Variants in C12orf42 observed in about 807,000 individuals in gnomAD.
C12orf42 encodes chromosome 12 open reading frame 42.
In C12orf42, 25 loss-of-function variants were observed where a neutral mutation model predicts 21.6. The observed-to-expected ratio is 1.16, with a 90% CI of 0.84 to 1.62. The LOEUF is 1.62. C12orf42 is among the 40% of genes most tolerant of loss of function. The probability of loss-of-function intolerance (pLI) is 0.00; values close to 1 mark genes in which losing one functional copy is unlikely to be tolerated. For synonymous variants in C12orf42, 174 were observed against 175.0 expected (o/e 0.99, Z 0.05); for missense variants, 483 against 459.3 (o/e 1.05, Z -0.47).
chr12:103,088,930 C>T, the C12orf42 span, among the ~76,000 whole-genome samples: 1 of 151,758 alleles, frequency 6.6e-6, no homozygotes, highest in African/African-American at 2.4e-5. Flanking sequence ...AGTGAAACCC[C>T]GTCTCTACTA....
the C12orf42 span, among the ~76,000 whole-genome samples, chr12:103,077,636 A>G: frequency 1.3e-5 from 2 of 152,182 alleles, no homozygotes; most frequent in Non-Finnish European, 2.9e-5. Flanking sequence ...CCTCTTGGAG[A>G]CAAGGCCTAC....
At chr12:103,053,432 T>A in the C12orf42 span, among the ~76,000 whole-genome samples, 1 of 151,996 alleles carries the variant, frequency 6.6e-6, no homozygotes, top group Non-Finnish European at 1.5e-5. Context: ...CTTTTGCCTA[T>A]TTTAAAACTG....
the C12orf42 span, among the ~76,000 whole-genome samples, chr12:103,228,437 A>G: frequency 6.6e-6 from 1 of 152,022 alleles, no homozygotes. Flanking sequence ...GTCATCAGTT[A>G]AGGTGGGGCA....
chr12:103,221,407 T>C, the C12orf42 span, among the ~76,000 whole-genome samples: 1 of 152,242 alleles, frequency 6.6e-6, no homozygotes, highest in African/African-American at 2.4e-5. Flanking sequence ...GGGTGCTGAG[T>C]ACTGTGCCAG....
chr12:103,163,127 G>A, the C12orf42 span, among the ~76,000 whole-genome samples: 1 of 152,162 alleles, frequency 6.6e-6, no homozygotes, highest in East Asian at 1.9e-4. Flanking sequence ...CTGGCAACTA[G>A]GGGAAGAATT....
At chr12:103,519,745 C>A in the C12orf42 span, among the ~76,000 whole-genome samples, 2 of 152,172 alleles carry the variant, frequency 1.3e-5, no homozygotes, top group African/African-American at 4.8e-5. Context: ...ACCCCTCCAA[C>A]CCATTTCCAG....
At chr12:103,206,510 C>A in the C12orf42 span, among the ~76,000 whole-genome samples, 1 of 117,276 alleles carries the variant, frequency 8.5e-6, no homozygotes, top group East Asian at 2.7e-4. Flanking sequence ...TTTTTTGGAC[C>A]TTTTCTATAT....
At chr12:103,231,178 C>G in the C12orf42 span, among the ~76,000 whole-genome samples, 3 of 152,106 alleles carry the variant, frequency 2.0e-5, no homozygotes, top group Non-Finnish European at 2.9e-5. Flanking sequence ...AGTTTTATAG[C>G]AAAATTGAGC....
In C12orf42 at chr12:103,277,834, C is replaced by T. The variant is rs934130896; in HGVS notation, n.338-624G>A. On this transcript the variant is annotated intron_variant and non_coding_transcript_variant, in intron 4 of 6. Coordinates refer to the C12orf42 transcript ENST00000546526. The stretch of plus-strand genomic sequence containing the variant: ...TGGGGTTTCACTGTGCTAGCCAGGA[C>T]GATCTCAATCTCCTGGCCTCGTGAT... Among the ~76,000 whole-genome samples, 60 of 151,922 alleles carry T rather than the reference C, an allele frequency of 3.9e-4. 1 individual carries two copies. Among genetic ancestry groups the T allele is most frequent in the East Asian group, 1.9e-4 (1 of 5,166 alleles).
At chr12:103,363,208 A>C (rs559011784) in intron 4 of C12orf42, among the ~76,000 whole-genome samples, 1 of 152,224 alleles carries the variant, frequency 6.6e-6, no homozygotes, top group South Asian at 2.1e-4. Context: ...CTCCCTAAAC[A>C]AAACAATTAT....
At chr12:103,354,735 T>A (rs1301536276) in intron 4 of C12orf42, among the ~76,000 whole-genome samples, 2 of 152,122 alleles carry the variant, frequency 1.3e-5, no homozygotes, top group African/African-American at 4.8e-5. Flanking sequence ...TTTTGTTTTG[T>A]TTTGTAGAGA....
chr12:103,396,269 T>C (rs1186633165), intron 3 of C12orf42, among the ~76,000 whole-genome samples: 2 of 151,966 alleles, frequency 1.3e-5, no homozygotes, highest in Non-Finnish European at 2.9e-5. Flanking sequence ...GGTTTAAAAG[T>C]GGCAGTTTCC....
chr12:103,257,202 A>C (rs2034656886), intron 10 of C12orf42, among the ~76,000 whole-genome samples: 1 of 152,176 alleles, frequency 6.6e-6, no homozygotes, highest in African/African-American at 2.4e-5. Flanking sequence ...AGCCTTTCAA[A>C]GGGCGGAGGT....
chr12:103,220,648 G>C, the C12orf42 span, among the ~76,000 whole-genome samples: 1 of 152,036 alleles, frequency 6.6e-6, no homozygotes, highest in Admixed American at 6.6e-5. Context: ...AACACACACA[G>C]AAAGAGGGAA....
chr12:103,082,217 G>A, the C12orf42 span, among the ~76,000 whole-genome samples: 2 of 152,318 alleles, frequency 1.3e-5, no homozygotes, highest in South Asian at 2.1e-4. Flanking sequence ...ACATGCTAAT[G>A]TGTCAAGTGA....
the C12orf42 span, among the ~76,000 whole-genome samples, chr12:103,147,110 G>T: frequency 2.6e-5 from 4 of 152,166 alleles, no homozygotes; most frequent in Admixed American, 6.6e-5. Context: ...ACGTATAGAA[G>T]CTCAGGATTA....
the C12orf42 span, among the ~76,000 whole-genome samples, chr12:103,169,605 C>T: frequency 6.6e-6 from 1 of 152,118 alleles, no homozygotes; most frequent in East Asian, 1.9e-4. Context: ...AAACACAATG[C>T]ATTACTTTTT....
At chr12:103,466,266 G>A (rs745634310) in intron 2 of C12orf42, among the ~76,000 whole-genome samples, 21 of 151,944 alleles carry the variant, frequency 1.4e-4, no homozygotes, top group East Asian at 5.8e-4. Flanking sequence ...TTACTGTGTC[G>A]TGAGTAAAAT....
In C12orf42 at chr12:103,306,236, GC is replaced by G. The variant is rs2038311558; in HGVS notation, c.368del (p.Ser123ThrfsTer20). The G allele has an allele frequency of 1.2e-6, 2 of 1,613,736 alleles. No individual in the cohort carries two copies. The highest frequency in any genetic ancestry group is 1.7e-6 in the Non-Finnish European group (2 of 1,179,860). On this transcript the variant is annotated frameshift_variant, in exon 5 of 6. Coordinates refer to ENST00000548883, the MANE Select transcript of C12orf42 (RefSeq NM_198521.5). LOFTEE classifies it high-confidence loss of function. Reference sequence around the variant, plus strand: ...CTGGAGAGGAACGGAATTCTTCATAGCTTTCTTCATCAAAAGAAACTGTGCT... The same window carrying G: ...CTGGAGAGGAACGGAATTCTTCATAGTTTCTTCATCAAAAGAAACTGTGCT... Reference protein sequence around the residue: ...SVSTVSFDEESYEEFRSSPAP... With the variant: ...SVSTVSFDEEXYEEFRSSPAP...
Sources: allele counts gnomAD v4.1 joint callset (sites outside exome capture counted in the v4.1 genomes callset), GRCh38; gene constraint gnomAD v4.1.1; transcripts MANE v1.5; gene names NCBI Gene and HGNC (gene_info 2026-07-23, HGNC 2026-07-21).